The following MTCL1 variants were observed in gnomAD, a reference collection of about 807,000 sequenced individuals.
The protein encoded by MTCL1 is microtubule crosslinking factor 1, also known as microtubule cross-linking factor 1.
Under a neutral mutation model 141.4 loss-of-function variants are expected in MTCL1, and 79 were observed. The ratio of observed to expected loss-of-function variants is 0.56; its 90% CI spans 0.47 to 0.67. The LOEUF (loss-of-function observed/expected upper bound fraction) is 0.67. Ranked by LOEUF, MTCL1 falls within the 30% of genes least tolerant of loss-of-function variation. MTCL1 has a pLI of 0.00. For synonymous variants in MTCL1, 914 were observed against 875.8 expected (o/e 1.04, Z -0.77); for missense variants, 2,177 against 2,113.9 (o/e 1.03, Z -0.59).
chr18:8,706,858 T>C (rs997456886), intron 1 of MTCL1, 145 bp downstream of exon 1: 7 of 1,372,344 alleles, frequency 5.1e-6, no homozygotes, highest in African/African-American at 4.5e-5. Flanking sequence ...TTGTCAGGCA[T>C]TGGCAACTTA....
intron 13 of MTCL1, among the ~76,000 whole-genome samples, chr18:8,821,083 ACT>A (rs143749385): frequency 1.8e-4 from 27 of 148,506 alleles, no homozygotes; most frequent in Admixed American, 4.7e-4. Flanking sequence ...ACACATGCAC[ACT>A]CTCTCTCTCT....
At chr18:8,800,676 G>A (rs1301987434) in intron 10 of MTCL1, 1 of 149,834 alleles carries the variant, frequency 6.7e-6, no homozygotes, top group Non-Finnish European at 1.5e-5. Context: ...TGAGCTCCAA[G>A]ACTCACGCCA....
chr18:8,813,509 G>A (rs75046982), intron 12 of MTCL1, among the ~76,000 whole-genome samples: 28 of 151,870 alleles, frequency 1.8e-4, no homozygotes, highest in Admixed American at 1.6e-3. Context: ...TTGTGGGAGC[G>A]GGGGGATAAC....
At chr18:8,769,456 ACT>A (rs2096475455) in intron 4 of MTCL1, among the ~76,000 whole-genome samples, 1 of 152,192 alleles carries the variant, frequency 6.6e-6, no homozygotes, top group Non-Finnish European at 1.5e-5. Flanking sequence ...GGTTCAGAGT[ACT>A]ATGTGATAGT....
In MTCL1 at chr18:8,817,633, G is replaced by A. The variant is rs116429051; in HGVS notation, c.2860-1330G>A. On this transcript the variant is annotated intron_variant, in intron 12 of 16. Coordinates refer to ENST00000359865, the Ensembl canonical transcript of MTCL1. ...TTAGGACACAGAGATGCAGTTTGTAGTGATGCTTAAAAAAAAATGAATTGA... is the reference window on the plus strand; with the variant it reads ...TTAGGACACAGAGATGCAGTTTGTAATGATGCTTAAAAAAAAATGAATTGA... Among the ~76,000 whole-genome samples, 476 of 152,210 alleles carry A rather than the reference G, an allele frequency of 3.1e-3. 2 individuals carry two copies. Among genetic ancestry groups the A allele is most frequent in the African/African-American group, 0.011 (458 of 41,514 alleles).
chr18:8,737,547 G>C (rs925698375), intron 4 of MTCL1, among the ~76,000 whole-genome samples: 3 of 152,238 alleles, frequency 2.0e-5, no homozygotes, highest in Non-Finnish European at 2.9e-5. Context: ...TTGATAGCAA[G>C]TGAAATGAGC....
In MTCL1 at chr18:8,706,343, C is replaced by T. The variant is rs769610218; in HGVS notation, c.683C>T (p.Pro228Leu). ...CTGTCCGACGAGCAGCGCCTGCTCC[C>T]TGCCGCCAGCAGCGACGCCGAATCC... Residue 228 changes from proline (P) to leucine (L), a missense_variant, in exon 1 of 14, where the codon CCT (proline) becomes CTT (leucine). Pro to Leu is a moderately conservative substitution (Grantham distance 98). Transcript: ENST00000306329. 8.8e-4 allele frequency: 1,089 copies of T among 1,230,664 alleles called. 1 individual carries two copies. Among genetic ancestry groups the T allele is most frequent in the Non-Finnish European group, 1.0e-3 (1,024 of 986,410 alleles). The allele number at this position is 1,230,664 out of a possible 1,614,324, so 76.2% of individuals were successfully genotyped here. A position where few individuals can be genotyped will look rare whatever the true frequency, so the allele number is the denominator to read the frequency against.
intron 4 of MTCL1, among the ~76,000 whole-genome samples, chr18:8,769,518 G>T (rs2096475794): frequency 6.6e-6 from 1 of 152,114 alleles, no homozygotes; most frequent in Non-Finnish European, 1.5e-5. Flanking sequence ...AGGCTTCAAG[G>T]TACATATCAC....
chr18:8,828,911 C>T lies in MTCL1; in HGVS notation c.4726C>T (p.Gln1576Ter), dbSNP rs2077109101. The change falls in exon 16 of 17, where the codon CAA (glutamine) becomes TAA (stop). Residue 1576 changes from glutamine (Q) to a stop codon, truncating the protein, a stop_gained. Coordinates refer to ENST00000359865, the Ensembl canonical transcript of MTCL1. LOFTEE classifies it high-confidence loss of function. The surrounding 1 kb of genome is among the most constrained non-coding windows in gnomAD (Gnocchi z 5.2). The stretch of plus-strand genomic sequence containing the variant: ...TTTCTCTGTCTGTTCTGTCCAGAAC[C>T]AAACTGTCTTGCTAACTGCCCCCTG... 1 of 1,614,188 alleles carries T rather than the reference C, an allele frequency of 6.2e-7. No individual in the cohort carries two copies. The highest frequency in any genetic ancestry group is 8.5e-7 in the Non-Finnish European group (1 of 1,180,010).
At chr18:8,805,118 T>G (rs187962217) in intron 10 of MTCL1, among the ~76,000 whole-genome samples, 7 of 150,974 alleles carry the variant, frequency 4.6e-5, no homozygotes, top group East Asian at 1.9e-4. Context: ...TATATATATA[T>G]AGAATTTTAG....
intron 4 of MTCL1, among the ~76,000 whole-genome samples, chr18:8,755,435 C>T (rs1467661472): frequency 6.6e-6 from 1 of 152,164 alleles, no homozygotes; most frequent in East Asian, 1.9e-4. Flanking sequence ...AGTCTTGCAG[C>T]GTGTGTGAGT....
intron 4 of MTCL1, among the ~76,000 whole-genome samples, chr18:8,764,584 CT>C (rs2096450384): frequency 6.6e-6 from 1 of 152,176 alleles, no homozygotes; most frequent in African/African-American, 2.4e-5. Context: ...TCTCAAAGTG[CT>C]GGGATTACAG....
intron 9 of MTCL1, among the ~76,000 whole-genome samples, chr18:8,797,650 G>C (rs1380645571): frequency 6.6e-6 from 1 of 152,202 alleles, no homozygotes; most frequent in Admixed American, 6.5e-5. Flanking sequence ...CTCATCCTAG[G>C]AATGGGAAAA....
At chr18:8,763,779 C>T (rs2096445211) in intron 4 of MTCL1, among the ~76,000 whole-genome samples, 1 of 152,182 alleles carries the variant, frequency 6.6e-6, no homozygotes, top group Non-Finnish European at 1.5e-5. Context: ...GGTGGTTTGA[C>T]TCATCCTATA....
intron 11 of MTCL1, chr18:8,809,624 G>A: frequency 6.6e-7 from 1 of 1,523,854 alleles, no homozygotes; most frequent in South Asian, 1.2e-5. Context: ...GCACACACCT[G>A]AAAAAAACGG....
chr18:8,806,225 TAATTATTAAACATCAA>T lies in MTCL1; in HGVS notation c.2437-664_2437-649del, dbSNP rs1386194952. 2.0e-5 allele frequency among the ~76,000 whole-genome samples: 3 copies of T among 152,320 alleles called. No individual in the cohort carries two copies. In the East Asian group the frequency reaches 5.8e-4, roughly 29 times the overall value. ...AGGTTATGCATTTCACCTTTGGCTT[TAATTATTAAACATCAA>T]AATGTTTAATAATTAAACCCACCCA... On this transcript the variant is annotated intron_variant, in intron 10 of 16. Coordinates refer to ENST00000359865, the Ensembl canonical transcript of MTCL1.
intron 4 of MTCL1, among the ~76,000 whole-genome samples, chr18:8,754,667 T>C (rs2096388354): frequency 6.6e-6 from 1 of 152,158 alleles, no homozygotes; most frequent in Non-Finnish European, 1.5e-5. Flanking sequence ...TTTGCAGCCA[T>C]AGCCACCCAG....
At chr18:8,759,916 G>A (rs1052188473) in intron 4 of MTCL1, among the ~76,000 whole-genome samples, 8 of 152,066 alleles carry the variant, frequency 5.3e-5, no homozygotes, top group African/African-American at 1.7e-4. Flanking sequence ...GGGGCCCCAG[G>A]GGCTCATGCT....
At chr18:8,819,118 C>T (rs1306209859) in exon 13 of MTCL1, 1 of 1,614,262 alleles carries the variant, frequency 6.2e-7, no homozygotes, top group Non-Finnish European at 8.5e-7. Flanking sequence ...CGTTTGAAGA[C>T]CGGCCGCTGT....
Sources: gnomAD v4.1 joint callset for allele counts (sites outside exome capture counted in the v4.1 genomes callset) on GRCh38, gnomAD v4.1.1 for gene constraint, Gnocchi (gnomAD v3.1) non-coding constraint, MANE v1.5 for transcripts, NCBI Gene and HGNC (gene_info 2026-07-23, HGNC 2026-07-21) for gene names.